Variants in PLCE1 observed in about 807,000 individuals in gnomAD.
The protein encoded by PLCE1 is phospholipase C epsilon 1, also known as 1-phosphatidylinositol 4,5-bisphosphate phosphodiesterase epsilon-1.
PLCE1 carries 119 observed loss-of-function variants against 242.8 expected under a neutral mutation model. That is an observed-to-expected ratio of 0.49 (90% CI 0.42 to 0.57). The LOEUF is 0.57. Ranked by LOEUF, PLCE1 falls within the 20% of genes least tolerant of loss-of-function variation. PLCE1 has a pLI of 0.00. For synonymous variants in PLCE1, 945 were observed against 1,017.4 expected (o/e 0.93, Z 1.35); for missense variants, 2,441 against 2,788.8 (o/e 0.88, Z 2.81).
At chr10:94,007,699 CTT>C (rs80098906) in intron 1 of PLCE1, among the ~76,000 whole-genome samples, 6 of 64,132 alleles carry the variant, frequency 9.4e-5, no homozygotes, top group African/African-American at 2.4e-4. Flanking sequence ...AGCCTACTTT[CTT>C]TTTTTTTTTT....
intron 3 of PLCE1, among the ~76,000 whole-genome samples, chr10:94,163,439 T>C (rs1309267042): frequency 6.6e-6 from 1 of 152,204 alleles, no homozygotes; most frequent in Admixed American, 6.5e-5. Context: ...TTGATCTTTG[T>C]TGGTCTAAAG....
chr10:94,261,838 T>C (rs2051309394), intron 13 of PLCE1, among the ~76,000 whole-genome samples: 1 of 152,072 alleles, frequency 6.6e-6, no homozygotes, highest in African/African-American at 2.4e-5. Context: ...AAACTGTAAT[T>C]TTAAGGGTAT....
At chr10:94,219,561 G>T (rs1007287727) in intron 4 of PLCE1, among the ~76,000 whole-genome samples, 2 of 152,062 alleles carry the variant, frequency 1.3e-5, no homozygotes, top group African/African-American at 4.8e-5. Context: ...GGCTGGTGTA[G>T]GTCATATGAC....
At chr10:94,157,929 C>T (rs2047484537) in intron 3 of PLCE1, among the ~76,000 whole-genome samples, 1 of 152,124 alleles carries the variant, frequency 6.6e-6, no homozygotes, top group Non-Finnish European at 1.5e-5. Flanking sequence ...ATTGTGTCCC[C>T]ATCTGCTAAT....
At chr10:94,194,112 A>G (rs1357966569) in intron 4 of PLCE1, among the ~76,000 whole-genome samples, 1 of 152,204 alleles carries the variant, frequency 6.6e-6, no homozygotes, top group South Asian at 2.1e-4. Context: ...TCTTATTCCA[A>G]ACAAGGCAAG....
At chr10:94,026,294 C>G (rs1299685439) in intron 1 of PLCE1, among the ~76,000 whole-genome samples, 1 of 152,142 alleles carries the variant, frequency 6.6e-6, no homozygotes, top group East Asian at 1.9e-4. Flanking sequence ...TTTCTTTAGT[C>G]ATATTACCTA....
chr10:94,275,520 A>G (rs539167524), intron 19 of PLCE1, among the ~76,000 whole-genome samples: 1 of 152,310 alleles, frequency 6.6e-6, no homozygotes, highest in Admixed American at 6.5e-5. Context: ...CTTTGTTAAT[A>G]CAGCCTCAGA....
chr10:94,148,663 A>G (rs2047186371), intron 3 of PLCE1, among the ~76,000 whole-genome samples: 1 of 152,202 alleles, frequency 6.6e-6, no homozygotes, highest in African/African-American at 2.4e-5. Context: ...TCCAAGAAAA[A>G]GAGAGAAAGG....
Position 94,181,054 on chromosome 10 carries a change from G to A in PLCE1, c.1809+9558G>A, listed in dbSNP as rs182219529. 5.2e-3 allele frequency among the ~76,000 whole-genome samples: 788 copies of A among 152,340 alleles called. 26 individuals are homozygous for A. Among genetic ancestry groups the A allele is most frequent in the East Asian group, 4.1e-3 (21 of 5,178 alleles). On this transcript the variant is annotated intron_variant, in intron 4 of 32. Transcript: ENST00000371380. ...GCTCCCAGTTGGGGCAGCAGGAGGA[G>A]GCAGTGGGAAGGGGCTGCCTTGCAC...
chr10:94,081,764 A>C (rs1358777178), intron 2 of PLCE1, among the ~76,000 whole-genome samples: 1 of 152,228 alleles, frequency 6.6e-6, no homozygotes, highest in African/African-American at 2.4e-5. Flanking sequence ...TTCCAGAATC[A>C]TACAGCTAGG....
At chr10:94,271,892 C>T (rs1564848984) in intron 18 of PLCE1, among the ~76,000 whole-genome samples, 1 of 152,092 alleles carries the variant, frequency 6.6e-6, no homozygotes, top group African/African-American at 2.4e-5. Context: ...CCCACCTGAG[C>T]CGCAAACCCA....
chr10:94,238,918 A>AT (rs1367643752), intron 7 of PLCE1, among the ~76,000 whole-genome samples: 2 of 152,202 alleles, frequency 1.3e-5, no homozygotes, highest in Non-Finnish European at 2.9e-5. Flanking sequence ...GCTTCAGCTG[A>AT]TTAAGAACTC....
intron 2 of PLCE1, among the ~76,000 whole-genome samples, chr10:94,077,518 G>C (rs2044539438): frequency 6.6e-6 from 1 of 152,108 alleles, no homozygotes; most frequent in Non-Finnish European, 1.5e-5. Context: ...CCAGACCTTT[G>C]GGAGGCCAAG....
intron 29 of PLCE1, among the ~76,000 whole-genome samples, chr10:94,319,090 C>T (rs1180676899): frequency 1.3e-5 from 2 of 151,968 alleles, no homozygotes; most frequent in African/African-American, 4.8e-5. Flanking sequence ...GTAGGGACCT[C>T]AGGAATATGC....
intron 4 of PLCE1, among the ~76,000 whole-genome samples, chr10:94,224,056 A>G (rs2049854756): frequency 1.3e-5 from 2 of 152,158 alleles, no homozygotes; most frequent in African/African-American, 4.8e-5. Flanking sequence ...TCAGACCATA[A>G]TAAGAATTGT....
intron 2 of PLCE1, among the ~76,000 whole-genome samples, chr10:94,113,286 A>T (rs1590052279): frequency 7.1e-6 from 1 of 140,788 alleles, no homozygotes; most frequent in Admixed American, 7.1e-5. Context: ...AAAAAAAAAA[A>T]GCCAAGGGTT....
At position 94,246,639 on chromosome 10, in the gene PLCE1, C is replaced by A; in HGVS notation, c.3096+18C>A. 1 of 1,608,144 alleles carries A rather than the reference C, an allele frequency of 6.2e-7. No individual in the cohort carries two copies. Among genetic ancestry groups the A allele is most frequent in the South Asian group, 1.1e-5 (1 of 90,868 alleles). The stretch of plus-strand genomic sequence containing the variant: ...TTTATCAGGTAAGGGGTGCAGCCAT[C>A]CCTCTTTCCTCACTGGCATAATACT... On this transcript the variant is annotated intron_variant, in intron 8 of 32. Coordinates refer to ENST00000371380, the MANE Select transcript of PLCE1 (RefSeq NM_016341.4).
chr10:94,200,865 G>C (rs1440801398), intron 4 of PLCE1, among the ~76,000 whole-genome samples: 1 of 152,102 alleles, frequency 6.6e-6, no homozygotes, highest in Admixed American at 6.5e-5. Flanking sequence ...CTAACCATGA[G>C]AAAAATAGTC....
At chr10:94,316,294 C>T (rs2133789899) in intron 28 of PLCE1, among the ~76,000 whole-genome samples, 1 of 152,300 alleles carries the variant, frequency 6.6e-6, no homozygotes, top group Middle Eastern at 3.4e-3. Context: ...TCACTAGGAG[C>T]TCTCATTCCA....
Sources: gnomAD v4.1 joint callset for allele counts (sites outside exome capture counted in the v4.1 genomes callset) on GRCh38, gnomAD v4.1.1 for gene constraint, MANE v1.5 for transcripts, NCBI Gene and HGNC (gene_info 2026-07-23, HGNC 2026-07-21) for gene names.